Variants in FOXO3 observed in about 807,000 individuals in gnomAD.
The protein encoded by FOXO3 is forkhead box O3.
FOXO3 carries 4 observed loss-of-function variants against 41.9 expected under a neutral mutation model. That is an observed-to-expected ratio of 0.10 (90% CI 0.05 to 0.22). The LOEUF is 0.22. FOXO3 is among the 10% of genes least tolerant of loss of function. The pLI, the probability that FOXO3 is intolerant of heterozygous loss-of-function variation, is 1.00. For missense variants in FOXO3, 534 were observed against 906.8 expected, an observed-to-expected ratio of 0.59 and a Z score of 5.28; for synonymous variants, 318 against 389.3, an observed-to-expected ratio of 0.82 and a Z score of 2.16.
At chr6:108,591,401 A>G (rs1776729937) in intron 1 of FOXO3, among the ~76,000 whole-genome samples, 1 of 152,194 alleles carries the variant, frequency 6.6e-6, no homozygotes, top group Non-Finnish European at 1.5e-5. Context: ...TTTCTTTTCC[A>G]GACAGAACTC....
At chr6:108,573,829 C>G (rs1276822697) in intron 1 of FOXO3, among the ~76,000 whole-genome samples, 1 of 151,720 alleles carries the variant, frequency 6.6e-6, no homozygotes, top group Non-Finnish European at 1.5e-5. Context: ...GACTTCATCT[C>G]AAAAATAAAT....
chr6:108,575,147 A>G (rs1422182271), intron 1 of FOXO3, among the ~76,000 whole-genome samples: 1 of 152,236 alleles, frequency 6.6e-6, no homozygotes, highest in Non-Finnish European at 1.5e-5. Context: ...TTACTACATT[A>G]AAAAGATCAA....
intron 1 of FOXO3, among the ~76,000 whole-genome samples, chr6:108,660,639 G>A (rs1778816762): frequency 6.6e-6 from 1 of 152,218 alleles, no homozygotes; most frequent in Non-Finnish European, 1.5e-5. Flanking sequence ...GGGAGGCCAA[G>A]GTGGGCAGAT....
At chr6:108,645,144 G>T (rs971924828) in intron 1 of FOXO3, among the ~76,000 whole-genome samples, 8 of 152,168 alleles carry the variant, frequency 5.3e-5, no homozygotes, top group Non-Finnish European at 1.0e-4. Flanking sequence ...CTGGGCTTGA[G>T]TGGAGACTGC....
intron 1 of FOXO3, among the ~76,000 whole-genome samples, chr6:108,617,795 TA>T (rs990766978): frequency 1.3e-4 from 20 of 150,114 alleles, no homozygotes; most frequent in South Asian, 4.2e-4. Context: ...CGTTGGCTGT[TA>T]AAAAAAAAAT....
At position 108,684,547 on chromosome 6, in the gene FOXO3, G is replaced by T. The variant is rs1413392073; in HGVS notation, c.*4755G>T. ...ACTATCATATGGCATTCTTACTGAG[G>T]ATTTTGTCTAACCATATGTTGCCAT... On this transcript the variant is annotated 3_prime_UTR_variant, in exon 3 of 3. Transcript: ENST00000406360. 1 of 152,558 alleles carries T rather than the reference G, an allele frequency of 6.6e-6. No homozygotes were observed. The highest frequency in any genetic ancestry group is 1.5e-5 in the Non-Finnish European group (1 of 68,024). The allele number at this position is 152,558 out of a possible 1,614,324, so 9.5% of individuals were successfully genotyped here.
At chr6:108,574,135 AGAG>A (rs1776193584) in intron 1 of FOXO3, among the ~76,000 whole-genome samples, 1 of 149,782 alleles carries the variant, frequency 6.7e-6, no homozygotes, top group African/African-American at 2.5e-5. Flanking sequence ...CCTGGGCGAC[AGAG>A]CGAGACTCTG....
chr6:108,640,681 T>A (rs1166211023), intron 1 of FOXO3, among the ~76,000 whole-genome samples: 1 of 152,208 alleles, frequency 6.6e-6, no homozygotes, highest in African/African-American at 2.4e-5. Flanking sequence ...TATGTACAAT[T>A]AATAGATAGA....
chr6:108,605,948 A>G (rs907371481), intron 1 of FOXO3, among the ~76,000 whole-genome samples: 1 of 152,256 alleles, frequency 6.6e-6, no homozygotes, highest in Admixed American at 6.5e-5. Context: ...TTATTTTGTC[A>G]TGTGAGCATG....
intron 1 of FOXO3, among the ~76,000 whole-genome samples, chr6:108,608,257 C>T (rs1235382756): frequency 1.3e-5 from 2 of 152,210 alleles, no homozygotes; most frequent in Non-Finnish European, 2.9e-5. Flanking sequence ...ATCTCTAGTT[C>T]AGCCCTTTGA....
At position 108,676,752 on chromosome 6, in the gene FOXO3, C is replaced by T. The variant is rs1770609483; in HGVS notation, c.*35-3075C>T. Among the ~76,000 whole-genome samples, 2 of 152,222 alleles carry T rather than the reference C, an allele frequency of 1.3e-5. 1 individual carries two copies. The highest frequency in any genetic ancestry group is 4.1e-4 in the South Asian group (2 of 4,838). On this transcript the variant is annotated intron_variant, in intron 2 of 2. Transcript: ENST00000406360. ...GGTTTCATCACTTAATATGCTCCCT[C>T]TACTCTTTCTGTCCTTGATTGAATC...
chr6:108,599,281 G>A (rs1278821045), intron 1 of FOXO3, among the ~76,000 whole-genome samples: 1 of 152,080 alleles, frequency 6.6e-6, no homozygotes, highest in Non-Finnish European at 1.5e-5. Context: ...AATCTTGCTA[G>A]GTATTAACTT....
At chr6:108,563,151 G>A (rs934819990) in intron 1 of FOXO3, among the ~76,000 whole-genome samples, 4 of 152,166 alleles carry the variant, frequency 2.6e-5, no homozygotes, top group African/African-American at 9.7e-5. Flanking sequence ...CACTGGAGAC[G>A]AGCCTGTAGA....
intron 1 of FOXO3, among the ~76,000 whole-genome samples, chr6:108,582,835 C>T (rs942802874): frequency 6.6e-5 from 10 of 152,064 alleles, no homozygotes; most frequent in East Asian, 3.9e-4. Flanking sequence ...ATGTGACTCT[C>T]GGTACCCCCT....
chr6:108,669,665 G>A (rs1247235165), intron 2 of FOXO3, among the ~76,000 whole-genome samples: 1 of 152,186 alleles, frequency 6.6e-6, no homozygotes, highest in Non-Finnish European at 1.5e-5. Context: ...ATGAGCGCGA[G>A]AGAAAATTGA....
At chr6:108,582,901 G>T (rs186381121) in intron 1 of FOXO3, among the ~76,000 whole-genome samples, 2 of 152,276 alleles carry the variant, frequency 1.3e-5, no homozygotes, top group Admixed American at 1.3e-4. Context: ...CACCTGGACT[G>T]CTTCCTGAGG....
chr6:108,648,975 C>G (rs1260227368), intron 1 of FOXO3, among the ~76,000 whole-genome samples: 1 of 141,244 alleles, frequency 7.1e-6, no homozygotes, highest in Non-Finnish European at 1.5e-5. Flanking sequence ...CCAGTGCGTT[C>G]CAGCCTGGGT....
intron 1 of FOXO3, among the ~76,000 whole-genome samples, chr6:108,571,434 T>TG (rs1776094822): frequency 6.6e-6 from 1 of 152,194 alleles, no homozygotes; most frequent in African/African-American, 2.4e-5. Context: ...AACTTTAGAA[T>TG]GGTGACCTTA....
In FOXO3 at chr6:108,682,625, G is replaced by C. The variant is rs1037473583; in HGVS notation, c.*2833G>C. 2.0e-5 allele frequency: 3 copies of C among 152,248 alleles called. No individual in the cohort carries two copies. The highest frequency in any genetic ancestry group is 7.2e-5 in the African/African-American group (3 of 41,454). 9.4% of individuals were successfully genotyped at this position (152,248 alleles called of 1,614,324 possible). A position where few individuals can be genotyped will look rare whatever the true frequency, so the allele number is the denominator to read the frequency against. ...ACTAGCCTGGTTCTGAAGTGGGCAG[G>C]GGTGCTGCCAGAGCCCTCTGCCCCT... On this transcript the variant is annotated 3_prime_UTR_variant, in exon 3 of 3. Coordinates refer to ENST00000406360, the MANE Select transcript of FOXO3 (RefSeq NM_001455.4).
Sources: gnomAD v4.1 joint callset for allele counts (sites outside exome capture counted in the v4.1 genomes callset) on GRCh38, gnomAD v4.1.1 for gene constraint, MANE v1.5 for transcripts, NCBI Gene and HGNC (gene_info 2026-07-23, HGNC 2026-07-21) for gene names.